Variants in AVL9 observed in about 807,000 individuals in gnomAD.
AVL9 encodes AVL9 cell migration associated, also known as late secretory pathway protein AVL9 homolog.
AVL9 carries 49 observed loss-of-function variants against 79.2 expected under a neutral mutation model. The observed-to-expected ratio is 0.62, with a 90% CI of 0.49 to 0.79. The LOEUF (loss-of-function observed/expected upper bound fraction) is 0.79, where lower values mean the gene tolerates loss of function less well. Among genes scored for constraint, AVL9 ranks in the 30% least tolerant of loss-of-function variants. AVL9 has a pLI of 0.00. For synonymous variants in AVL9, 299 were observed against 280.6 expected, an observed-to-expected ratio of 1.07 and a Z score of -0.65; for missense variants, 682 against 776.8, an observed-to-expected ratio of 0.88 and a Z score of 1.45.
chr7:32,506,746 T>A (rs1239096779), intron 1 of AVL9, among the ~76,000 whole-genome samples: 6 of 144,740 alleles, frequency 4.1e-5, no homozygotes, highest in African/African-American at 7.6e-5. Flanking sequence ...TGTCTCTATT[T>A]AAAAAAAAAA....
At chr7:32,501,197 G>A (rs1787113795) in intron 1 of AVL9, among the ~76,000 whole-genome samples, 1 of 152,180 alleles carries the variant, frequency 6.6e-6, no homozygotes, top group Non-Finnish European at 1.5e-5. Context: ...CTCAAGCCCT[G>A]AGTGATTCAG....
intron 1 of AVL9, among the ~76,000 whole-genome samples, chr7:32,507,258 T>C (rs1176501676): frequency 6.6e-6 from 1 of 152,118 alleles, no homozygotes; most frequent in Non-Finnish European, 1.5e-5. Flanking sequence ...TAAAAGAAAA[T>C]GTTTAATGTG....
chr7:32,534,746 C>G (rs1304371056), intron 1 of AVL9: 1 of 152,142 alleles, frequency 6.6e-6, no homozygotes, highest in Non-Finnish European at 1.5e-5. Flanking sequence ...GAGTTCGAGA[C>G]CAGCCTGGCC....
chr7:32,541,083 A>G (rs1427667605), intron 1 of AVL9, among the ~76,000 whole-genome samples: 1 of 151,302 alleles, frequency 6.6e-6, no homozygotes, highest in Non-Finnish European at 1.5e-5. Context: ...TTGTATTTTT[A>G]GTAGAGACGG....
intron 1 of AVL9, among the ~76,000 whole-genome samples, chr7:32,501,763 T>C (rs983425694): frequency 6.6e-6 from 1 of 152,216 alleles, no homozygotes; most frequent in Admixed American, 6.5e-5. Context: ...AAAATACTTA[T>C]ACACCATGAG....
intron 9 of AVL9, 63 bp from the exon 10 acceptor site, chr7:32,558,866 A>AT: frequency 7.2e-7 from 1 of 1,396,996 alleles, no homozygotes; most frequent in Non-Finnish European, 9.7e-7. Context: ...CTACTAATAT[A>AT]TAGCTCTCAG....
intron 13 of AVL9, among the ~76,000 whole-genome samples, chr7:32,579,727 T>C (rs1307214015): frequency 1.4e-5 from 2 of 143,688 alleles, no homozygotes; most frequent in African/African-American, 5.2e-5. Context: ...GACCTGCCTT[T>C]TGAGTTGCTT....
intron 4 of AVL9, among the ~76,000 whole-genome samples, chr7:32,549,941 A>AAAAAAAGAAAAGGAATGGC (rs56226146): frequency 0.6 from 87,973 of 146,422 alleles, 26,932 homozygotes; most frequent in Admixed American, 0.7. Flanking sequence ...GAAAGAAAGA[A>AAAAAAAGAAAAGGAATGGC]AAAAAAGAAA....
chr7:32,508,602 A>G (rs1787515706), intron 1 of AVL9, among the ~76,000 whole-genome samples: 1 of 152,206 alleles, frequency 6.6e-6, no homozygotes, highest in Admixed American at 6.5e-5. Flanking sequence ...TAGAAGATTT[A>G]TTGTTTTTAC....
At chr7:32,509,209 C>T (rs1356739682) in intron 1 of AVL9, among the ~76,000 whole-genome samples, 1 of 152,142 alleles carries the variant, frequency 6.6e-6, no homozygotes, top group Non-Finnish European at 1.5e-5. Context: ...GGCCCCCTCC[C>T]TCTTTTTGCA....
chr7:32,506,734 C>T (rs1787430104), intron 1 of AVL9, among the ~76,000 whole-genome samples: 1 of 148,420 alleles, frequency 6.7e-6, no homozygotes, highest in South Asian at 2.2e-4. Context: ...CAACATAGAC[C>T]CTGTCTCTAT....
intron 1 of AVL9, 89 bp downstream of exon 1, chr7:32,495,891 C>T (rs1439707070): frequency 4.7e-6 from 4 of 846,446 alleles, no homozygotes; most frequent in African/African-American, 1.8e-5. Context: ...GCTCAGCTCG[C>T]GTCGTGCAGT....
At chr7:32,554,712 C>A in intron 8 of AVL9, 116 bp downstream of exon 8, 1 of 628,322 alleles carries the variant, frequency 1.6e-6, no homozygotes, top group Non-Finnish European at 2.5e-6. Flanking sequence ...TTTTGCCTAT[C>A]ATTGTGGTAA....
At chr7:32,580,602 G>A (rs1239266682) in intron 14 of AVL9, among the ~76,000 whole-genome samples, 200 bp from the exon 15 acceptor site, 1 of 152,058 alleles carries the variant, frequency 6.6e-6, no homozygotes, top group African/African-American at 2.4e-5. Flanking sequence ...TGTTCTTCTC[G>A]TGTATTCTGA....
intron 1 of AVL9, among the ~76,000 whole-genome samples, chr7:32,500,646 C>T (rs751686288): frequency 1.3e-5 from 2 of 151,950 alleles, no homozygotes; most frequent in Admixed American, 6.6e-5. Context: ...TCTTTTGTTG[C>T]AATTGCTTTT....
chr7:32,538,567 C>T (rs913659632), intron 1 of AVL9: 2 of 131,926 alleles, frequency 1.5e-5, no homozygotes, highest in East Asian at 2.6e-4. Context: ...AAAATGGTGG[C>T]GATTTTTTTT....
chr7:32,556,147 C>G (rs940241033), intron 8 of AVL9, among the ~76,000 whole-genome samples: 4 of 152,020 alleles, frequency 2.6e-5, no homozygotes, highest in Non-Finnish European at 5.9e-5. Context: ...AGATATCAAC[C>G]TAGTTTGGTG....
At chr7:32,570,240 C>A in intron 11 of AVL9, 86 bp downstream of exon 11, 1 of 1,511,606 alleles carries the variant, frequency 6.6e-7, no homozygotes, top group Non-Finnish European at 9.1e-7. Flanking sequence ...ATAGTAACAA[C>A]ATTAGTAATG....
At chr7:32,551,927 G>A (rs1013634642) in intron 5 of AVL9, among the ~76,000 whole-genome samples, 8 of 152,038 alleles carry the variant, frequency 5.3e-5, no homozygotes. Flanking sequence ...GAGCAGAGGG[G>A]ATTTATACTA....
Sources: gnomAD v4.1 joint callset for allele counts (sites outside exome capture counted in the v4.1 genomes callset) on GRCh38, gnomAD v4.1.1 for gene constraint, MANE v1.5 for transcripts, NCBI Gene and HGNC (gene_info 2026-07-23, HGNC 2026-07-21) for gene names.